The following ARHGAP15 variants were observed in gnomAD, a reference collection of about 807,000 sequenced individuals.
The protein encoded by ARHGAP15 is Rho GTPase activating protein 15, also known as rho GTPase-activating protein 15.
In ARHGAP15, 51 loss-of-function variants were observed where a neutral mutation model predicts 63.7. The observed-to-expected ratio is 0.80, with a 90% CI of 0.64 to 1.01. ARHGAP15 has a LOEUF of 1.01. ARHGAP15 is among the 50% of genes least tolerant of loss of function. The pLI, the probability that ARHGAP15 is intolerant of heterozygous loss-of-function variation, is 0.00. For synonymous variants in ARHGAP15, 191 were observed against 193.8 expected, an observed-to-expected ratio of 0.99 and a Z score of 0.12; for missense variants, 560 against 564.6, an observed-to-expected ratio of 0.99 and a Z score of 0.08.
intron 11 of ARHGAP15, among the ~76,000 whole-genome samples, chr2:143,584,511 A>C (rs1235919878): frequency 6.6e-6 from 1 of 152,072 alleles, no homozygotes; most frequent in Non-Finnish European, 1.5e-5. Flanking sequence ...CTGTAATCCC[A>C]GCTACTAGGG....
rs973150671 is a variant in ARHGAP15, at chr2:143,644,952, G to A, written c.1138+20685G>A. On this transcript the variant is annotated intron_variant, in intron 12 of 13. Coordinates refer to ENST00000295095, the MANE Select transcript of ARHGAP15 (RefSeq NM_018460.4). ...TATAGAACAGAAAGTATAGAAAACTGTATGTTGGGGGACACCCACTGCCAT... is the reference window on the plus strand; with the variant it reads ...TATAGAACAGAAAGTATAGAAAACTATATGTTGGGGGACACCCACTGCCAT... Among the ~76,000 whole-genome samples, 5 of 152,062 alleles carry A rather than the reference G, an allele frequency of 3.3e-5. No homozygotes were observed. The East Asian group carries it at 9.7e-4, about 29-fold the overall frequency.
At chr2:143,671,091 T>TA (rs1298530890) in intron 12 of ARHGAP15, among the ~76,000 whole-genome samples, 2 of 152,212 alleles carry the variant, frequency 1.3e-5, no homozygotes, top group Non-Finnish European at 1.5e-5. Flanking sequence ...CTAAATAACA[T>TA]AGTCTATGTA....
chr2:143,226,548 A>T (rs895595217), intron 4 of ARHGAP15, among the ~76,000 whole-genome samples: 7 of 152,230 alleles, frequency 4.6e-5, no homozygotes, highest in African/African-American at 1.7e-4. Flanking sequence ...ATCTATTATT[A>T]TGACCTGAAT....
intron 11 of ARHGAP15, chr2:143,601,476 G>A (rs1697767516): frequency 6.6e-6 from 1 of 152,060 alleles, no homozygotes. Flanking sequence ...AAATACACGA[G>A]GGCAGAATCT....
chr2:143,136,046 C>T (rs1208465535), intron 1 of ARHGAP15, among the ~76,000 whole-genome samples: 1 of 152,044 alleles, frequency 6.6e-6, no homozygotes, highest in Non-Finnish European at 1.5e-5. Context: ...CTAATTACTG[C>T]CCACCTGTCC....
intron 8 of ARHGAP15, among the ~76,000 whole-genome samples, chr2:143,462,024 G>A (rs745307109): frequency 8.5e-5 from 13 of 152,194 alleles, no homozygotes; most frequent in Admixed American, 2.6e-4. Context: ...ATGGTGGTGC[G>A]CAGCTACTCG....
At chr2:143,426,488 G>A (rs1384363556) in intron 6 of ARHGAP15, among the ~76,000 whole-genome samples, 3 of 152,140 alleles carry the variant, frequency 2.0e-5, no homozygotes, top group African/African-American at 7.2e-5. Context: ...AGGTTGGTAT[G>A]TTCTGGCTAT....
chr2:143,416,018 G>A (rs1253854894), intron 6 of ARHGAP15, among the ~76,000 whole-genome samples: 1 of 151,860 alleles, frequency 6.6e-6, no homozygotes, highest in Non-Finnish European at 1.5e-5. Flanking sequence ...TACAAATCAG[G>A]TGCAGTGTAT....
intron 8 of ARHGAP15, among the ~76,000 whole-genome samples, chr2:143,485,578 G>A (rs1199767683): frequency 2.0e-5 from 3 of 151,908 alleles, no homozygotes; most frequent in Non-Finnish European, 2.9e-5. Context: ...ATCAGTTTAA[G>A]GCAATGATCA....
chr2:143,606,063 AAAAAAAAG>A (rs1466068230), intron 11 of ARHGAP15, among the ~76,000 whole-genome samples: 7,759 of 64,426 alleles, frequency 0.12, 1,433 homozygotes, highest in Non-Finnish European at 0.22. Context: ...AAAAAAAAAA[AAAAAAAAG>A]CCATACATCT....
intron 11 of ARHGAP15, among the ~76,000 whole-genome samples, chr2:143,623,892 G>A (rs1442508251): frequency 6.6e-6 from 1 of 152,182 alleles, no homozygotes; most frequent in Non-Finnish European, 1.5e-5. Flanking sequence ...CTGTGTCAAT[G>A]GCACTGTCTC....
At chr2:143,527,057 T>C (rs1380508245) in intron 10 of ARHGAP15, among the ~76,000 whole-genome samples, 1 of 152,110 alleles carries the variant, frequency 6.6e-6, no homozygotes, top group Non-Finnish European at 1.5e-5. Flanking sequence ...AACCCAAATA[T>C]TATACTCCTT....
At chr2:143,602,637 AAAGCAAAG>A (rs775855369) in intron 11 of ARHGAP15, among the ~76,000 whole-genome samples, 14 of 152,074 alleles carry the variant, frequency 9.2e-5, no homozygotes, top group Non-Finnish European at 2.1e-4. Flanking sequence ...AATGGGAGAA[AAAGCAAAG>A]AAGGAAAGAA....
At chr2:143,618,407 G>T (rs1698525376) in intron 11 of ARHGAP15, among the ~76,000 whole-genome samples, 1 of 152,118 alleles carries the variant, frequency 6.6e-6, no homozygotes, top group South Asian at 2.1e-4. Context: ...TTTAGATAAG[G>T]GATCCAAATG....
At chr2:143,362,606 T>C (rs1219610232) in intron 6 of ARHGAP15, among the ~76,000 whole-genome samples, 1 of 152,246 alleles carries the variant, frequency 6.6e-6, no homozygotes, top group Non-Finnish European at 1.5e-5. Context: ...TTGATGTCTT[T>C]ATTTGGATGT....
intron 5 of ARHGAP15, among the ~76,000 whole-genome samples, chr2:143,233,063 A>T (rs557767746): frequency 6.6e-6 from 1 of 152,166 alleles, no homozygotes; most frequent in Admixed American, 6.5e-5. Flanking sequence ...TAATCAATTT[A>T]TCCCTTTCTC....
chr2:143,316,745 CA>C (rs1458075630), intron 6 of ARHGAP15, among the ~76,000 whole-genome samples: 1 of 151,694 alleles, frequency 6.6e-6, no homozygotes, highest in African/African-American at 2.4e-5. Context: ...CTATAAGTAT[CA>C]AACAATCTAA....
In ARHGAP15 at chr2:143,343,603, C is replaced by T. The variant is rs560889421; in HGVS notation, c.475-91998C>T. Among the ~76,000 whole-genome samples the T allele has an allele frequency of 1.1e-4, 17 of 152,068 alleles. 1 individual carries two copies. Among genetic ancestry groups the T allele is most frequent in the East Asian group, 3.9e-4 (2 of 5,176 alleles). ...ATGGATAGAAACTCGATATTTGTTG[C>T]GTTAATGAATGATTTCTCAACGTTA... On this transcript the variant is annotated intron_variant, in intron 6 of 13. Transcript: ENST00000295095.
At chr2:143,359,239 A>G (rs1685938200) in intron 6 of ARHGAP15, among the ~76,000 whole-genome samples, 1 of 152,146 alleles carries the variant, frequency 6.6e-6, no homozygotes, top group South Asian at 2.1e-4. Flanking sequence ...ATTCTTAGGC[A>G]TACTTTCATT....
Sources: gnomAD v4.1 joint callset for allele counts (sites outside exome capture counted in the v4.1 genomes callset) on GRCh38, gnomAD v4.1.1 for gene constraint, MANE v1.5 for transcripts, NCBI Gene and HGNC (gene_info 2026-07-23, HGNC 2026-07-21) for gene names.